SNRK: variants seen among roughly 807,000 people sequenced by gnomAD.
SNRK encodes the protein SNF-related serine/threonine-protein kinase.
SNRK carries 3 observed loss-of-function variants against 48.2 expected under a neutral mutation model. The ratio of observed to expected loss-of-function variants is 0.06; its 90% CI spans 0.03 to 0.16. The LOEUF (loss-of-function observed/expected upper bound fraction) is 0.16. Ranked by LOEUF, SNRK falls within the 10% of genes least tolerant of loss-of-function variation. The pLI, the probability that SNRK is intolerant of heterozygous loss-of-function variation, is 1.00. For synonymous variants in SNRK, 376 were observed against 366.1 expected, an observed-to-expected ratio of 1.03 and a Z score of -0.31; for missense variants, 627 against 976.0, an observed-to-expected ratio of 0.64 and a Z score of 4.76.
chr3:43,332,038 T>G, intron 3 of SNRK, 131 bp from the exon 4 acceptor site: 1 of 641,474 alleles, frequency 1.6e-6, no homozygotes, highest in South Asian at 4.5e-5. Flanking sequence ...CTTCTTTTCC[T>G]TCATGGATGT....
chr3:43,334,910 T>A (rs1035533634), intron 4 of SNRK, among the ~76,000 whole-genome samples: 1 of 152,178 alleles, frequency 6.6e-6, no homozygotes, highest in African/African-American at 2.4e-5. Context: ...CTTTTAGTTA[T>A]ATTTTTTAAG....
chr3:43,286,717 GGCAGGGGTGCGGGGCCGGCCTCC>G (rs1442374419), intron 1 of SNRK, 42 bp downstream of exon 1: 1 of 148,796 alleles, frequency 6.7e-6, no homozygotes, highest in African/African-American at 2.4e-5. Context: ...GGCGGCCGTA[GGCAGGGGTGCGGGGCCGGCCTCC>G]GCCGCCTCAG....
At chr3:43,333,076 T>G (rs998311351) in intron 4 of SNRK, 1 of 152,058 alleles carries the variant, frequency 6.6e-6, no homozygotes, top group Non-Finnish European at 1.5e-5. Flanking sequence ...GCCCAAGGAC[T>G]TTTTTTCTCT....
In SNRK at chr3:43,303,045, T is replaced by G; in HGVS notation, c.-106-53T>G. 1 of 503,924 alleles carries G rather than the reference T, an allele frequency of 2.0e-6. No homozygotes were observed. Among genetic ancestry groups the G allele is most frequent in the Non-Finnish European group, 3.4e-6 (1 of 293,588 alleles). 31.2% of individuals were successfully genotyped at this position (503,924 alleles called of 1,614,324 possible). On this transcript the variant is annotated intron_variant, in intron 2 of 6. Coordinates refer to ENST00000296088, the MANE Select transcript of SNRK (RefSeq NM_017719.5). The surrounding 1 kb of genome is among the most constrained non-coding windows in gnomAD (Gnocchi z 6.2). ...AACAAAAAATGAAGTGATTTTAAAG[T>G]TTGTGAAGAAAAGTCGCAGAAACTT...
intron 3 of SNRK, among the ~76,000 whole-genome samples, chr3:43,325,697 A>T (rs1200993796): frequency 1.3e-5 from 2 of 152,196 alleles, no homozygotes; most frequent in East Asian, 3.9e-4. Context: ...TAATAAGCCT[A>T]AAAATTGCAT....
intron 3 of SNRK, among the ~76,000 whole-genome samples, chr3:43,309,432 G>A (rs994898047): frequency 2.6e-5 from 4 of 152,014 alleles, no homozygotes; most frequent in Admixed American, 2.6e-4. Flanking sequence ...TTCATGAAAG[G>A]AAGAATCAAA....
intron 1 of SNRK, among the ~76,000 whole-genome samples, chr3:43,291,212 T>C (rs186541355): frequency 6.6e-6 from 1 of 152,340 alleles, no homozygotes; most frequent in East Asian, 1.9e-4. Context: ...TCCTTGGGCC[T>C]CTTTCCTGAA....
intron 5 of SNRK, 90 bp downstream of exon 5, chr3:43,340,589 G>A: frequency 8.8e-7 from 1 of 1,139,048 alleles, no homozygotes; most frequent in Non-Finnish European, 1.3e-6. Context: ...GGACACCTGT[G>A]TAATAGATAA....
At chr3:43,331,915 T>C (rs933088879) in intron 3 of SNRK, among the ~76,000 whole-genome samples, 2 of 152,232 alleles carry the variant, frequency 1.3e-5, no homozygotes, top group Admixed American at 6.5e-5. Flanking sequence ...ATTGCTCTGT[T>C]ACCAAAGGCA....
At chr3:43,327,491 A>G (rs2091105021) in intron 3 of SNRK, among the ~76,000 whole-genome samples, 1 of 152,182 alleles carries the variant, frequency 6.6e-6, no homozygotes, top group African/African-American at 2.4e-5. Flanking sequence ...TTCATTATTT[A>G]TGGCTATACT....
intron 4 of SNRK, among the ~76,000 whole-genome samples, chr3:43,333,837 C>T (rs2091166811): frequency 2.0e-5 from 3 of 151,958 alleles, no homozygotes; most frequent in South Asian, 4.1e-4. Flanking sequence ...TGTCTCCCTC[C>T]TAGAAGGATT....
chr3:43,320,940 T>C (rs1161028597), intron 3 of SNRK, among the ~76,000 whole-genome samples: 1 of 151,884 alleles, frequency 6.6e-6, no homozygotes, highest in East Asian at 1.9e-4. Context: ...GTTTTTTTTT[T>C]TTTTTTTTAA....
Position 43,303,820 on chromosome 3 carries a change from C to A in SNRK, c.589+28C>A. The A allele has an allele frequency of 6.9e-7, 1 of 1,454,264 alleles. No homozygotes were observed. Among genetic ancestry groups the A allele is most frequent in the South Asian group, 1.2e-5 (1 of 82,876 alleles). 90.1% of individuals were successfully genotyped at this position (1,454,264 alleles called of 1,614,324 possible). On this transcript the variant is annotated intron_variant, in intron 3 of 6. Coordinates refer to ENST00000296088, the MANE Select transcript of SNRK (RefSeq NM_017719.5). The surrounding 1 kb of genome is among the most constrained non-coding windows in gnomAD (Gnocchi z 6.2). Reference sequence around the variant, plus strand: ...AGGTAACCTCGGTCCAGTATTTGGCCATTTGAATTCTGCCAGCTAGAGTTG... The same window carrying A: ...AGGTAACCTCGGTCCAGTATTTGGCAATTTGAATTCTGCCAGCTAGAGTTG...
At chr3:43,296,950 A>T (rs541041534) in intron 1 of SNRK, among the ~76,000 whole-genome samples, 195 of 152,340 alleles carry the variant, frequency 1.3e-3, no homozygotes, top group African/African-American at 4.6e-3. Context: ...CTTGCAGCAC[A>T]TAACAGTACT....
At chr3:43,302,638 ATTT>A (rs200971249) in intron 2 of SNRK, among the ~76,000 whole-genome samples, 4 of 133,648 alleles carry the variant, frequency 3.0e-5, no homozygotes, top group African/African-American at 2.7e-5. Flanking sequence ...CACAGAATGG[ATTT>A]TTTTTTTTTT....
rs1424318416 is a variant in SNRK, at chr3:43,303,854, G to A, written c.589+62G>A. ...TCTGCCAGCTAGAGTTGGTCAGATCGGTTGTTTATCTAAAAATGATTTCTA... is the reference window on the plus strand; with the variant it reads ...TCTGCCAGCTAGAGTTGGTCAGATCAGTTGTTTATCTAAAAATGATTTCTA... On this transcript the variant is annotated intron_variant, in intron 3 of 6. Coordinates refer to ENST00000296088, the MANE Select transcript of SNRK (RefSeq NM_017719.5). The surrounding 1 kb of genome is among the most constrained non-coding windows in gnomAD (Gnocchi z 6.2). 9.3e-6 allele frequency: 11 copies of A among 1,185,208 alleles called. No homozygotes were observed. The East Asian group carries it at 1.2e-4, about 13-fold the overall frequency. The allele number at this position is 1,185,208 out of a possible 1,614,324, so 73.4% of individuals were successfully genotyped here.
Position 43,349,332 on chromosome 3 carries a change from A to C in SNRK, c.*775A>C, listed in dbSNP as rs1559473926. On this transcript the variant is annotated 3_prime_UTR_variant, in exon 7 of 7. Coordinates refer to ENST00000296088, the MANE Select transcript of SNRK (RefSeq NM_017719.5). ...TGTCTTAACTCTACTTAGAGAGTGT[A>C]TGTCTGTCTAACAGAACAAAAAGAT... 1 of 152,684 alleles carries C rather than the reference A, an allele frequency of 6.5e-6. No homozygotes were observed. Among genetic ancestry groups the C allele is most frequent in the East Asian group, 1.9e-4 (1 of 5,206 alleles). 9.5% of individuals were successfully genotyped at this position (152,684 alleles called of 1,614,324 possible).
intron 1 of SNRK, among the ~76,000 whole-genome samples, chr3:43,292,443 A>T (rs2090819424): frequency 6.6e-6 from 1 of 152,234 alleles, no homozygotes; most frequent in South Asian, 2.1e-4. Context: ...AAACTTAAGT[A>T]TAATTCAAAC....
intron 1 of SNRK, among the ~76,000 whole-genome samples, chr3:43,293,269 G>A (rs979957321): frequency 6.6e-6 from 1 of 152,076 alleles, no homozygotes; most frequent in Admixed American, 6.6e-5. Context: ...ACCACGTTGG[G>A]CTGCATACCC....
Sources: gnomAD v4.1 joint callset for allele counts (sites outside exome capture counted in the v4.1 genomes callset) on GRCh38, gnomAD v4.1.1 for gene constraint, Gnocchi (gnomAD v3.1) non-coding constraint, MANE v1.5 for transcripts, NCBI Gene and HGNC (gene_info 2026-07-23, HGNC 2026-07-21) for gene names.